Variants in WASHC2C observed in about 807,000 individuals in gnomAD.
WASHC2C encodes WASH complex subunit 2C, also known as Vaccinia Penetration Factor.
WASHC2C carries 73 observed loss-of-function variants against 142.2 expected under a neutral mutation model. The observed-to-expected ratio is 0.51, with a 90% CI of 0.43 to 0.62. The LOEUF is 0.62. Ranked by LOEUF, WASHC2C falls within the 20% of genes least tolerant of loss-of-function variation. WASHC2C has a pLI of 0.00. For missense variants in WASHC2C, 969 were observed against 1,531.7 expected (o/e 0.63, Z 6.13); for synonymous variants, 337 against 565.5 (o/e 0.60, Z 5.73).
chr10:45,731,816 A>G (rs780178388), intron 3 of WASHC2C, among the ~76,000 whole-genome samples: 1 of 108,134 alleles, frequency 9.2e-6, no homozygotes, highest in African/African-American at 3.6e-5. Context: ...TTTTTTTGAG[A>G]CGGAGTCTCA....
intron 3 of WASHC2C, among the ~76,000 whole-genome samples, chr10:45,734,567 A>T (rs1166413373): frequency 1.3e-5 from 2 of 151,008 alleles, no homozygotes; most frequent in Non-Finnish European, 3.0e-5. Flanking sequence ...AAATAAATAG[A>T]AAAGTTCAGA....
chr10:45,750,115 A>G lies in WASHC2C; in HGVS notation c.752A>G (p.Asp251Gly), dbSNP rs1554873537. 1.2e-6 allele frequency: 2 copies of G among 1,611,170 alleles called. No homozygotes were observed. Among genetic ancestry groups the G allele is most frequent in the South Asian group, 2.2e-5 (2 of 90,970 alleles). ...EQNQHTTQMS[D>G]EEEDDDGCDL... ...TCTTAGCACACCACACAAATGAGTG[A>G]TGAGGAAGAGGATGATGATGGCTGT... is the stretch of plus-strand genomic sequence containing the variant. The change falls in exon 9 of 31, where the codon GAT becomes GGT. Residue 251 changes from aspartate (D) to glycine (G), a missense_variant. Asp to Gly is a moderately conservative substitution (Grantham distance 94). Transcript: ENST00000623400.
rs1554889403 is a variant in WASHC2C at position 45,784,862 on chromosome 10, AGAT to A, written c.2656_2658del (p.Asp886del). On this transcript the variant is annotated inframe_deletion, in exon 25 of 31. Transcript: ENST00000623400. The stretch of plus-strand genomic sequence containing the variant: ...TTGGGAGCCTGTTTGGGGATGATGA[AGAT>A]GATGATCTTTTCAGCTCTGCCAAGT... The A allele has an allele frequency of 5.6e-6, 9 of 1,608,814 alleles. No homozygotes were observed. Among genetic ancestry groups the A allele is most frequent in the Admixed American group, 3.3e-5 (2 of 59,794 alleles).
At chr10:45,785,679 A>G (rs2057985986) in intron 26 of WASHC2C, 48 bp downstream of exon 26, 2 of 1,611,472 alleles carry the variant, frequency 1.2e-6, no homozygotes, top group East Asian at 2.2e-5. Context: ...GCATCCCAGT[A>G]CAGAGAAATT....
At chr10:45,789,962 A>C (rs1481863956) in intron 29 of WASHC2C, among the ~76,000 whole-genome samples, 1 of 152,242 alleles carries the variant, frequency 6.6e-6, no homozygotes, top group Non-Finnish European at 1.5e-5. Flanking sequence ...GACTGCAGGC[A>C]CAAGGTGAAC....
At chr10:45,734,413 C>T (rs1837218357) in intron 3 of WASHC2C, among the ~76,000 whole-genome samples, 1 of 148,486 alleles carries the variant, frequency 6.7e-6, no homozygotes, top group African/African-American at 2.5e-5. Flanking sequence ...TACTTTTTTT[C>T]TTAATGTGAA....
intron 19 of WASHC2C, among the ~76,000 whole-genome samples, chr10:45,767,483 C>CT (rs1279412047): frequency 6.6e-6 from 1 of 152,262 alleles, no homozygotes; most frequent in Non-Finnish European, 1.5e-5. Context: ...CAGTTTTTTT[C>CT]TTTTAAACAT....
intron 29 of WASHC2C, 102 bp downstream of exon 29, chr10:45,789,593 C>T (rs1480831717): frequency 2.0e-6 from 3 of 1,497,624 alleles, no homozygotes; most frequent in South Asian, 1.2e-5. Flanking sequence ...GCGTGCATAC[C>T]CCATAGCCAC....
chr10:45,736,544 G>A (rs2051301506), intron 3 of WASHC2C, among the ~76,000 whole-genome samples: 1 of 151,550 alleles, frequency 6.6e-6, no homozygotes, highest in Admixed American at 6.6e-5. Context: ...CGGTTGCAGT[G>A]AGCCAAGATC....
intron 18 of WASHC2C, among the ~76,000 whole-genome samples, chr10:45,763,898 C>G (rs2135168517): frequency 6.6e-6 from 1 of 152,162 alleles, no homozygotes; most frequent in East Asian, 1.9e-4. Context: ...GACAGGGTTT[C>G]ACCATGTTGG....
intron 26 of WASHC2C, chr10:45,785,856 T>C: frequency 2.3e-6 from 2 of 865,080 alleles, no homozygotes; most frequent in Non-Finnish European, 1.7e-6. Flanking sequence ...TGTTTTTTGA[T>C]GCCATGCCAG....
At chr10:45,727,947 G>C (rs1044433600) in intron 2 of WASHC2C, among the ~76,000 whole-genome samples, 45 of 152,356 alleles carry the variant, frequency 3.0e-4, no homozygotes, top group Admixed American at 1.0e-3. Flanking sequence ...AACTGTTCGA[G>C]TCCCAAATGA....
intron 11 of WASHC2C, 108 bp downstream of exon 11, chr10:45,751,661 T>A: frequency 7.8e-7 from 1 of 1,288,600 alleles, no homozygotes; most frequent in Non-Finnish European, 1.1e-6. Flanking sequence ...CTCTGACAAA[T>A]GGGTCTGTCT....
At position 45,792,609 on chromosome 10, in the gene WASHC2C, T is replaced by G. The variant is rs1281354928; in HGVS notation, c.*209T>G. On this transcript the variant is annotated 3_prime_UTR_variant, in exon 31 of 31. Coordinates refer to ENST00000623400, the MANE Select transcript of WASHC2C (RefSeq NM_001330074.2). ...AATAAATATTTCACAGTGGTTGGTTTGTTTTGTTTTTAAACCACAGTTTGA... is the reference window on the plus strand; with the variant it reads ...AATAAATATTTCACAGTGGTTGGTTGGTTTTGTTTTTAAACCACAGTTTGA... 1.4e-4 allele frequency: 88 copies of G among 611,012 alleles called. 2 individuals are homozygous for G. The highest frequency in any genetic ancestry group is 2.4e-4 in the Non-Finnish European group (82 of 342,236). The allele number at this position is 611,012 out of a possible 1,614,324, so 37.8% of individuals were successfully genotyped here.
intron 22 of WASHC2C, 66 bp downstream of exon 22, chr10:45,777,491 C>T: frequency 1.9e-6 from 3 of 1,612,156 alleles, no homozygotes; most frequent in South Asian, 2.2e-5. Context: ...ACACACCCAA[C>T]CCCTTAAGTT....
chr10:45,749,976 A>G (rs1240447406), intron 8 of WASHC2C, 120 bp from the exon 9 acceptor site: 77 of 805,634 alleles, frequency 9.6e-5, no homozygotes, highest in Middle Eastern at 4.5e-4. Flanking sequence ...TTGCTGCATC[A>G]TGTTTATGAT....
At position 45,755,032 on chromosome 10, in the gene WASHC2C, C is replaced by T. The variant is rs1554876603; in HGVS notation, c.1337C>T (p.Pro446Leu). ...PTPRKSPYGP[P>L]PTGLFDDDDG... is the part of the protein sequence containing the mutation. Reference sequence around the variant, plus strand: ...CCAAGGAAAAGCCCCTATGGTCCCCCTCCCACTGGCCTCTTTGATGATGAT... The same window carrying T: ...CCAAGGAAAAGCCCCTATGGTCCCCTTCCCACTGGCCTCTTTGATGATGAT... The change falls in exon 15 of 31, where the codon CCT (proline) becomes CTT (leucine). Residue 446 changes from proline (P) to leucine (L), a missense_variant. Transcript: ENST00000623400. 6.2e-7 allele frequency: 1 copy of T among 1,611,812 alleles called. No homozygotes were observed.
At chr10:45,727,927 A>T (rs1191489006) in intron 2 of WASHC2C, among the ~76,000 whole-genome samples, 1 of 152,242 alleles carries the variant, frequency 6.6e-6, no homozygotes, top group Non-Finnish European at 1.5e-5. Flanking sequence ...CGGGGGCCCA[A>T]AAAGCTCAGA....
At chr10:45,751,924 C>T (rs1208536316) in intron 11 of WASHC2C, among the ~76,000 whole-genome samples, 1 of 152,124 alleles carries the variant, frequency 6.6e-6, no homozygotes, top group East Asian at 1.9e-4. Flanking sequence ...TGGCAGTGAG[C>T]CTTGATCGCG....
Sources: gnomAD v4.1 joint callset for allele counts (sites outside exome capture counted in the v4.1 genomes callset) on GRCh38, gnomAD v4.1.1 for gene constraint, MANE v1.5 for transcripts, NCBI Gene and HGNC (gene_info 2026-07-23, HGNC 2026-07-21) for gene names.